The following GOLPH3L variants were observed in gnomAD, a reference collection of about 807,000 sequenced individuals.
GOLPH3L encodes the protein Golgi phosphoprotein 3-like.
GOLPH3L carries 22 observed loss-of-function variants against 30.3 expected under a neutral mutation model. The ratio of observed to expected loss-of-function variants is 0.73; its 90% CI spans 0.52 to 1.04. The LOEUF (loss-of-function observed/expected upper bound fraction) is 1.04, where lower values mean the gene tolerates loss of function less well. Ranked by LOEUF, GOLPH3L falls within the 50% of genes least tolerant of loss-of-function variation. The pLI is 0.00. For missense variants in GOLPH3L, 303 were observed against 345.8 expected (o/e 0.88, Z 0.98); for synonymous variants, 120 against 128.2 (o/e 0.94, Z 0.43).
intron 2 of GOLPH3L, among the ~76,000 whole-genome samples, chr1:150,688,477 C>T (rs1220264418): frequency 1.3e-5 from 2 of 152,130 alleles, no homozygotes; most frequent in South Asian, 2.1e-4. Context: ...CCTGGCGGGG[C>T]GCAGTGGCTC....
chr1:150,667,481 C>T (rs916494097), intron 2 of GOLPH3L, among the ~76,000 whole-genome samples: 8 of 152,148 alleles, frequency 5.3e-5, no homozygotes, highest in African/African-American at 1.2e-4. Context: ...GCAGGAGGAT[C>T]GCTTGAGGCC....
At chr1:150,665,622 A>C (rs894214252) in intron 2 of GOLPH3L, among the ~76,000 whole-genome samples, 1 of 152,124 alleles carries the variant, frequency 6.6e-6, no homozygotes, top group African/African-American at 2.4e-5. Context: ...ATAAAACCTA[A>C]ATTTTAAATA....
chr1:150,681,956 C>A (rs185351066), intron 2 of GOLPH3L, among the ~76,000 whole-genome samples: 4 of 152,136 alleles, frequency 2.6e-5, no homozygotes, highest in Non-Finnish European at 4.4e-5. Context: ...ATCCCATCTA[C>A]TCTGGTAACT....
At chr1:150,691,195 T>A (rs1651202954) in intron 2 of GOLPH3L, among the ~76,000 whole-genome samples, 1 of 146,136 alleles carries the variant, frequency 6.8e-6, no homozygotes, top group South Asian at 2.2e-4. Context: ...AATAAATAAA[T>A]AAAAAAGGCC....
At position 150,693,847 on chromosome 1, in the gene GOLPH3L, A is replaced by AT. The variant is rs66627372; in HGVS notation, c.183+808dup. Among the ~76,000 whole-genome samples the AT allele has an allele frequency of 5.0e-3, 136 of 27,216 alleles. 12 individuals carry two copies. Among genetic ancestry groups the AT allele is most frequent in the Non-Finnish European group, 6.6e-3 (107 of 16,254 alleles). The allele number at this position is 27,216 out of a possible 152,430, so 17.9% of individuals were successfully genotyped here. A position where few individuals can be genotyped will look rare whatever the true frequency, so the allele number is the denominator to read the frequency against. On this transcript the variant is annotated intron_variant, in intron 2 of 4. Transcript: ENST00000271732. ...TATATATATATATATATATATATAT[A>AT]TTTTTTTTTTTTTTTTTTTTTTTTT... is the stretch of plus-strand genomic sequence containing the variant.
chr1:150,648,272 C>G lies in GOLPH3L; in HGVS notation c.*49G>C. On this transcript the variant is annotated 3_prime_UTR_variant, in exon 5 of 5. Transcript: ENST00000271732. ...CACACAAAACTCAGTGATGGGGTCT[C>G]TGACAGTCACCAGCCAGCAGGGGAA... is the stretch of plus-strand genomic sequence containing the variant. 1.5e-6 allele frequency: 2 copies of G among 1,324,338 alleles called. No homozygotes were observed. The highest frequency in any genetic ancestry group is 2.7e-5 in the South Asian group (2 of 73,620). 82.0% of individuals were successfully genotyped at this position (1,324,338 alleles called of 1,614,324 possible). A position where few individuals can be genotyped will look rare whatever the true frequency, so the allele number is the denominator to read the frequency against.
At chr1:150,688,176 A>C (rs1421417727) in intron 2 of GOLPH3L, among the ~76,000 whole-genome samples, 1 of 152,232 alleles carries the variant, frequency 6.6e-6, no homozygotes, top group Non-Finnish European at 1.5e-5. Context: ...TTGGCTTTCA[A>C]ACTACTTGTT....
At chr1:150,656,704 G>T (rs1650248273) in intron 4 of GOLPH3L, among the ~76,000 whole-genome samples, 2 of 152,184 alleles carry the variant, frequency 1.3e-5, no homozygotes, top group African/African-American at 4.8e-5. Flanking sequence ...AACTCGGATT[G>T]TTAAACTATA....
At chr1:150,683,738 G>C (rs919062353) in intron 2 of GOLPH3L, among the ~76,000 whole-genome samples, 3 of 99,058 alleles carry the variant, frequency 3.0e-5, no homozygotes, top group Non-Finnish European at 6.1e-5. Context: ...AAAAAAGAGA[G>C]ATACTCAATA....
intron 2 of GOLPH3L, among the ~76,000 whole-genome samples, chr1:150,664,612 C>A (rs1171971627): frequency 6.6e-6 from 1 of 151,998 alleles, no homozygotes; most frequent in Non-Finnish European, 1.5e-5. Flanking sequence ...CACTGCCACA[C>A]CCAGCTAATT....
At chr1:150,668,840 C>G (rs1650575809) in intron 2 of GOLPH3L, among the ~76,000 whole-genome samples, 1 of 152,068 alleles carries the variant, frequency 6.6e-6, no homozygotes, top group Non-Finnish European at 1.5e-5. Flanking sequence ...CGTAATAAAT[C>G]TTAACAGGTG....
chr1:150,666,769 ATTT>A (rs1000622821), intron 2 of GOLPH3L, among the ~76,000 whole-genome samples: 1 of 151,948 alleles, frequency 6.6e-6, no homozygotes, highest in Non-Finnish European at 1.5e-5. Context: ...GTGATTTGTG[ATTT>A]TTTGTTTATT....
At chr1:150,656,243 C>T (rs1019797524) in intron 4 of GOLPH3L, among the ~76,000 whole-genome samples, 1 of 152,162 alleles carries the variant, frequency 6.6e-6, no homozygotes. Context: ...ACTACTACAC[C>T]TTACTCCTAC....
rs587647745 is a variant in GOLPH3L, at chr1:150,654,465, C to A, written c.431-5717G>T. ...GAGGTTGCAGCGAGCCAAGATTGTG[C>A]CACTGCACTCCAGCCTGGGAGGCAG... On this transcript the variant is annotated intron_variant, in intron 4 of 4. Coordinates refer to ENST00000271732, the MANE Select transcript of GOLPH3L (RefSeq NM_018178.6). Among the ~76,000 whole-genome samples, 919 of 151,804 alleles carry A rather than the reference C, an allele frequency of 6.1e-3. 4 individuals are homozygous for A. Among genetic ancestry groups the A allele is most frequent in the Non-Finnish European group, 0.01 (696 of 67,926 alleles).
rs587644781 is a variant in GOLPH3L, at chr1:150,670,599, AAAAT to A, written c.184-6840_184-6837del. Among the ~76,000 whole-genome samples, 436 of 152,294 alleles carry A rather than the reference AAAAT, an allele frequency of 2.9e-3. 2 individuals carry two copies. The highest frequency in any genetic ancestry group is 0.01 in the African/African-American group (416 of 41,568). Reference sequence around the variant, plus strand: ...GCTACAGAGCAAGACTCTGTCTCAAAAAATAAATAAATAAATAAAAAGAAATGTA... The same window carrying A: ...GCTACAGAGCAAGACTCTGTCTCAAAAAATAAATAAATAAAAAGAAATGTA... On this transcript the variant is annotated intron_variant, in intron 2 of 4. Coordinates refer to ENST00000271732, the MANE Select transcript of GOLPH3L (RefSeq NM_018178.6).
At chr1:150,693,338 T>A (rs774504554) in intron 2 of GOLPH3L, among the ~76,000 whole-genome samples, 1 of 152,206 alleles carries the variant, frequency 6.6e-6, no homozygotes, top group Non-Finnish European at 1.5e-5. Flanking sequence ...TTACTACTTG[T>A]ATGCAGCCAA....
Position 150,683,366 on chromosome 1 carries a change from C to T in GOLPH3L, c.183+11290G>A, listed in dbSNP as rs957689276. ...CCTGGCCAACATGGTGAAACCCCGT[C>T]TCTACTAAAAATACAAAAAATTAGC... On this transcript the variant is annotated intron_variant, in intron 2 of 4. Transcript: ENST00000271732. Among the ~76,000 whole-genome samples, 3 of 151,928 alleles carry T rather than the reference C, an allele frequency of 2.0e-5. No individual in the cohort carries two copies. The South Asian group carries it at 6.2e-4, about 32-fold the overall frequency.
In GOLPH3L at chr1:150,661,917, C is replaced by G. The variant is rs751364878; in HGVS notation, c.327G>C (p.Lys109Asn). 1.3e-6 allele frequency: 2 copies of G among 1,503,334 alleles called. No homozygotes were observed. The highest frequency in any genetic ancestry group is 3.3e-5 in the Admixed American group (2 of 59,882). 93.1% of individuals were successfully genotyped at this position (1,503,334 alleles called of 1,614,324 possible). A position where few individuals can be genotyped will look rare whatever the true frequency, so the allele number is the denominator to read the frequency against. Residue 109 changes from lysine (K) to asparagine (N), a missense_variant, in exon 4 of 5, where the codon AAG (lysine) becomes AAC (asparagine). Coordinates refer to ENST00000271732, the MANE Select transcript of GOLPH3L (RefSeq NM_018178.6). Reference sequence around the variant, plus strand: ...AAACATCACCTGTTGGGCTGTCTGACTTTAGCAGTACCTTTGAGAAAAGGA... The same window carrying G: ...AAACATCACCTGTTGGGCTGTCTGAGTTTAGCAGTACCTTTGAGAAAAGGA... Reference protein sequence around the residue: ...KRLLDRKVLLKSDSPTGDVLL... With the variant: ...KRLLDRKVLLNSDSPTGDVLL...
intron 2 of GOLPH3L, among the ~76,000 whole-genome samples, chr1:150,678,074 C>T (rs1317135154): frequency 9.3e-5 from 14 of 151,124 alleles, no homozygotes; most frequent in African/African-American, 2.4e-4. Flanking sequence ...CTGATGTGGG[C>T]GGATCACCTG....
Sources: allele counts gnomAD v4.1 joint callset (sites outside exome capture counted in the v4.1 genomes callset), GRCh38; gene constraint gnomAD v4.1.1; transcripts MANE v1.5; gene names NCBI Gene and HGNC (gene_info 2026-07-23, HGNC 2026-07-21).